S100Z: variants seen among roughly 807,000 people sequenced by gnomAD.
The protein encoded by S100Z is S100 calcium binding protein Z.
Under a neutral mutation model 8.5 loss-of-function variants are expected in S100Z, and 11 were observed. That is an observed-to-expected ratio of 1.30 (90% CI 0.82 to 2.15). The LOEUF is 2.15. Among genes scored for constraint, S100Z ranks in the 30% most tolerant of loss-of-function variants. S100Z has a pLI of 0.00. For missense variants in S100Z, 126 were observed against 117.9 expected (o/e 1.07, Z -0.32); for synonymous variants, 34 against 43.8 (o/e 0.78, Z 0.89).
intron 1 of S100Z, among the ~76,000 whole-genome samples, chr5:76,862,301 G>A (rs1050038417): frequency 2.6e-5 from 4 of 152,152 alleles, no homozygotes; most frequent in East Asian, 1.9e-4. Context: ...CAGCCAGATC[G>A]CATAAGCAAG....
the S100Z span, among the ~76,000 whole-genome samples, chr5:76,940,395 G>A: frequency 7.2e-6 from 1 of 138,836 alleles, no homozygotes; most frequent in Non-Finnish European, 1.5e-5. Context: ...ATGGAATTAA[G>A]TGGCAATTTT....
At chr5:76,875,055 A>AT (rs1453146270) in intron 2 of S100Z, among the ~76,000 whole-genome samples, 44 of 151,082 alleles carry the variant, frequency 2.9e-4, no homozygotes, top group Admixed American at 5.9e-4. Context: ...CGCCCGGCTA[A>AT]TTTTTTTTTG....
At chr5:76,870,555 G>C (rs1282578414) in intron 2 of S100Z, among the ~76,000 whole-genome samples, 1 of 152,126 alleles carries the variant, frequency 6.6e-6, no homozygotes, top group Non-Finnish European at 1.5e-5. Flanking sequence ...TTGGTCTATA[G>C]TCCTCAGTAA....
intron 1 of S100Z, among the ~76,000 whole-genome samples, chr5:76,868,727 G>A (rs992781851): frequency 1.3e-5 from 2 of 150,478 alleles, no homozygotes; most frequent in Non-Finnish European, 2.9e-5. Context: ...GGGTTCAAGC[G>A]ATTCTCCTGC....
intron 4 of S100Z, among the ~76,000 whole-genome samples, chr5:76,898,077 A>G (rs1304844092): frequency 6.6e-6 from 1 of 151,924 alleles, no homozygotes; most frequent in Non-Finnish European, 1.5e-5. Flanking sequence ...TAGACGAGAG[A>G]CTTTCAGTTT....
At chr5:76,869,743 G>T (rs1226712551) in intron 1 of S100Z, among the ~76,000 whole-genome samples, 1 of 152,146 alleles carries the variant, frequency 6.6e-6, no homozygotes, top group Non-Finnish European at 1.5e-5. Context: ...TTGTGGCTGG[G>T]TGCAGTGGCT....
chr5:76,878,504 C>T (rs1368152236), intron 4 of S100Z, among the ~76,000 whole-genome samples: 2 of 152,152 alleles, frequency 1.3e-5, no homozygotes, highest in African/African-American at 4.8e-5. Flanking sequence ...CAAGGGAGGC[C>T]ACCTTTTCTT....
At chr5:76,906,807 G>C (rs1173913935) in intron 4 of S100Z, among the ~76,000 whole-genome samples, 2 of 150,776 alleles carry the variant, frequency 1.3e-5, no homozygotes, top group Non-Finnish European at 3.0e-5. Context: ...TAATTTTTGT[G>C]TTTTTAGTAG....
intron 4 of S100Z, among the ~76,000 whole-genome samples, chr5:76,918,162 C>G (rs1344462013): frequency 6.6e-6 from 1 of 152,120 alleles, no homozygotes; most frequent in Admixed American, 6.6e-5. Flanking sequence ...CACACATTTA[C>G]TAACATTAGA....
chr5:76,887,642 C>T (rs951511347), intron 4 of S100Z, among the ~76,000 whole-genome samples: 5 of 152,094 alleles, frequency 3.3e-5, no homozygotes, highest in Non-Finnish European at 5.9e-5. Context: ...AAGTGATCCA[C>T]CTGCCTCGGC....
chr5:76,851,167 CTT>C (rs1750717864), intron 1 of S100Z, among the ~76,000 whole-genome samples: 1 of 152,200 alleles, frequency 6.6e-6, no homozygotes, highest in Non-Finnish European at 1.5e-5. Flanking sequence ...GCATCGGAGG[CTT>C]CCCTGGAGGA....
At chr5:76,903,886 G>A (rs1321317812) in intron 4 of S100Z, among the ~76,000 whole-genome samples, 3 of 151,314 alleles carry the variant, frequency 2.0e-5, no homozygotes, top group African/African-American at 4.9e-5. Context: ...CACCACGCCT[G>A]GCTATTTTTT....
intron 4 of S100Z, among the ~76,000 whole-genome samples, chr5:76,920,244 T>C (rs932076202): frequency 1.3e-5 from 2 of 152,172 alleles, no homozygotes; most frequent in Non-Finnish European, 2.9e-5. Flanking sequence ...GTTTGTTTTC[T>C]TATTGTTGAG....
chr5:76,882,942 C>T (rs1457454226), intron 4 of S100Z, among the ~76,000 whole-genome samples: 3 of 151,984 alleles, frequency 2.0e-5, no homozygotes, highest in African/African-American at 7.3e-5. Context: ...GGGTTTGGCA[C>T]CATGGGGTGG....
intron 4 of S100Z, among the ~76,000 whole-genome samples, chr5:76,890,513 G>A (rs954949017): frequency 2.0e-5 from 3 of 152,110 alleles, no homozygotes; most frequent in Non-Finnish European, 4.4e-5. Context: ...CTGCTGATGT[G>A]GTGACGTGCA....
the S100Z span, among the ~76,000 whole-genome samples, chr5:76,927,792 C>T: frequency 1.3e-5 from 2 of 152,216 alleles, no homozygotes; most frequent in Admixed American, 1.3e-4. Flanking sequence ...CATGTTATGA[C>T]ATGGAAACTT....
chr5:76,856,454 C>A (rs538698391), intron 1 of S100Z, among the ~76,000 whole-genome samples: 52 of 152,356 alleles, frequency 3.4e-4, no homozygotes, highest in African/African-American at 1.0e-3. Flanking sequence ...CCTGCCTCAG[C>A]CTCCCAAAGT....
At chr5:76,862,938 TTTG>T (rs1751109020) in intron 1 of S100Z, among the ~76,000 whole-genome samples, 1 of 152,198 alleles carries the variant, frequency 6.6e-6, no homozygotes, top group African/African-American at 2.4e-5. Context: ...ACTCTGTTCT[TTTG>T]TTGTTTTGTC....
chr5:76,860,349 T>C (rs1751020467), intron 1 of S100Z, among the ~76,000 whole-genome samples: 1 of 152,074 alleles, frequency 6.6e-6, no homozygotes, highest in Non-Finnish European at 1.5e-5. Flanking sequence ...TGGGCTTGCA[T>C]CACAGATCAA....
Sources: allele counts gnomAD v4.1 joint callset (sites outside exome capture counted in the v4.1 genomes callset), GRCh38; gene constraint gnomAD v4.1.1; transcripts MANE v1.5; gene names NCBI Gene and HGNC (gene_info 2026-07-23, HGNC 2026-07-21).